ARID1B: variants seen among roughly 807,000 people sequenced by gnomAD.
ARID1B encodes the protein AT-rich interaction domain 1B, also known as AT-rich interactive domain-containing protein 1B.
A neutral mutation model predicts 212.3 loss-of-function variants in ARID1B; 30 were observed. The observed-to-expected ratio is 0.14, with a 90% CI of 0.11 to 0.19. The LOEUF (loss-of-function observed/expected upper bound fraction) is 0.19. Among genes scored for constraint, ARID1B ranks in the 10% least tolerant of loss-of-function variants. The pLI is 1.00. For synonymous variants in ARID1B, 1,402 were observed against 1,301.7 expected (o/e 1.08, Z -1.66); for missense variants, 2,891 against 3,204.0 (o/e 0.90, Z 2.36).
intron 4 of ARID1B, among the ~76,000 whole-genome samples, chr6:157,080,331 A>G (rs1191189713): frequency 6.6e-6 from 1 of 152,250 alleles, no homozygotes; most frequent in Non-Finnish European, 1.5e-5. Flanking sequence ...TAAAGCCACC[A>G]GTATTGACTG....
rs73584008 is a variant in ARID1B at position 157,075,981 on chromosome 6, T to C, written c.2248-8681T>C. On this transcript the variant is annotated intron_variant, in intron 4 of 19. Coordinates refer to ENST00000636930, the MANE Select transcript of ARID1B (RefSeq NM_001374828.1). ...CATAAGTGGCAAAGCTGGAAAAATA[T>C]GAATGAAGTCTCTGGTTAACAGTGT... Among the ~76,000 whole-genome samples the C allele has an allele frequency of 8.3e-3, 1,265 of 152,340 alleles. 26 individuals carry two copies. Among genetic ancestry groups the C allele is most frequent in the African/African-American group, 0.028 (1,155 of 41,580 alleles).
intron 5 of ARID1B, among the ~76,000 whole-genome samples, chr6:157,101,596 C>T (rs1022570213): frequency 1.3e-5 from 2 of 151,698 alleles, no homozygotes; most frequent in South Asian, 2.1e-4. Context: ...AATTACTAAT[C>T]GAAGAATATA....
chr6:157,135,689 C>T (rs1788857271), intron 7 of ARID1B, among the ~76,000 whole-genome samples: 1 of 152,218 alleles, frequency 6.6e-6, no homozygotes. Context: ...CACTCAGCAA[C>T]AGGAGATCAC....
intron 6 of ARID1B, among the ~76,000 whole-genome samples, chr6:157,129,685 C>T (rs1156853251): frequency 6.6e-6 from 1 of 152,160 alleles, no homozygotes; most frequent in Non-Finnish European, 1.5e-5. Context: ...ACTCCATCTC[C>T]TTTTTGCAAA....
At chr6:156,899,154 A>C (rs530521483) in intron 2 of ARID1B, among the ~76,000 whole-genome samples, 1 of 152,366 alleles carries the variant, frequency 6.6e-6, no homozygotes, top group East Asian at 1.9e-4. Flanking sequence ...CAGGGCATCT[A>C]TATGACTTAG....
chr6:156,815,648 G>T (rs924266351), intron 1 of ARID1B, among the ~76,000 whole-genome samples: 1 of 152,052 alleles, frequency 6.6e-6, no homozygotes, highest in African/African-American at 2.4e-5. Flanking sequence ...CACATGAGAG[G>T]CCCAGTGATT....
intron 5 of ARID1B, among the ~76,000 whole-genome samples, chr6:157,096,761 G>T (rs1785663988): frequency 6.6e-6 from 1 of 152,210 alleles, no homozygotes; most frequent in Admixed American, 6.5e-5. Context: ...TGCTGGAGAG[G>T]TCTGCTCTCC....
intron 3 of ARID1B, among the ~76,000 whole-genome samples, chr6:156,909,419 C>T (rs1007039792): frequency 1.6e-4 from 25 of 152,238 alleles, no homozygotes; most frequent in Admixed American, 5.9e-4. Flanking sequence ...TCACCGCATC[C>T]GGACAAGGGC....
At chr6:156,781,531 ATACCT>A (rs1395418519) in intron 1 of ARID1B, among the ~76,000 whole-genome samples, 1 of 152,168 alleles carries the variant, frequency 6.6e-6, no homozygotes, top group East Asian at 1.9e-4. Flanking sequence ...AACAATAATC[ATACCT>A]TAGAGACTTG....
At chr6:156,844,780 G>A (rs1226705185) in intron 2 of ARID1B, among the ~76,000 whole-genome samples, 1 of 152,178 alleles carries the variant, frequency 6.6e-6, no homozygotes, top group East Asian at 1.9e-4. Context: ...TTATGTTAAT[G>A]TAACTATAAA....
In ARID1B at chr6:157,087,085, G is replaced by A. The variant is rs74495391; in HGVS notation, c.2491+2180G>A. 8.8e-4 allele frequency among the ~76,000 whole-genome samples: 134 copies of A among 152,246 alleles called. 1 individual carries two copies. Among genetic ancestry groups the A allele is most frequent in the African/African-American group, 3.2e-3 (133 of 41,548 alleles). On this transcript the variant is annotated intron_variant, in intron 5 of 19. Coordinates refer to ENST00000636930, the MANE Select transcript of ARID1B (RefSeq NM_001374828.1). ...ATTCCAAGTCAGCTCCTCTGTAGCC[G>A]ACCTCTATATGGTGCTTGGTAAAGC...
At chr6:157,074,938 C>T (rs1421723437) in intron 4 of ARID1B, among the ~76,000 whole-genome samples, 1 of 152,118 alleles carries the variant, frequency 6.6e-6, no homozygotes, top group East Asian at 1.9e-4. Context: ...CATTCAAGTC[C>T]TTATTGATAC....
chr6:157,109,357 G>A (rs764324536), intron 5 of ARID1B, among the ~76,000 whole-genome samples: 2 of 152,216 alleles, frequency 1.3e-5, no homozygotes, highest in African/African-American at 2.4e-5. Flanking sequence ...CGGAGTCAGA[G>A]CGGTTAGCCT....
chr6:157,146,870 CA>C (rs1789766886), intron 7 of ARID1B, among the ~76,000 whole-genome samples: 1 of 152,182 alleles, frequency 6.6e-6, no homozygotes, highest in Non-Finnish European at 1.5e-5. Flanking sequence ...TATGTAATTT[CA>C]ACATTCAGTT....
In ARID1B at chr6:157,039,666, C is replaced by CTTCCTTCCTTCCTTCTTTCTTTCT. The variant is rs780130222; in HGVS notation, c.2248-44981_2248-44980insTTTCTTTCTTTCCTTCCTTCCTTC. Among the ~76,000 whole-genome samples, 15 of 49,412 alleles carry CTTCCTTCCTTCCTTCTTTCTTTCT rather than the reference C, an allele frequency of 3.0e-4. No homozygotes were observed. The East Asian group carries it at 4.8e-3, about 16-fold the overall frequency. 32.4% of individuals were successfully genotyped at this position (49,412 alleles called of 152,430 possible). ...CCTTCTTTCCTTCCTTCCTTCCTTC[C>CTTCCTTCCTTCCTTCTTTCTTTCT]TTCCTTCCTTCCTTCCTTCCTTCCT... On this transcript the variant is annotated intron_variant, in intron 4 of 19. Coordinates refer to ENST00000636930, the MANE Select transcript of ARID1B (RefSeq NM_001374828.1).
At chr6:156,912,203 C>G (rs1256442009) in intron 3 of ARID1B, among the ~76,000 whole-genome samples, 1 of 151,364 alleles carries the variant, frequency 6.6e-6, no homozygotes, top group East Asian at 1.9e-4. Context: ...ATCAAAATAT[C>G]TAAAATGCTG....
chr6:157,185,453 T>C (rs1792907526), intron 13 of ARID1B: 1 of 152,282 alleles, frequency 6.6e-6, no homozygotes, highest in African/African-American at 2.4e-5. Context: ...GCACTTCCAG[T>C]GTGCTGGGCC....
At chr6:156,994,684 A>G (rs1778482916) in intron 4 of ARID1B, among the ~76,000 whole-genome samples, 1 of 152,148 alleles carries the variant, frequency 6.6e-6, no homozygotes, top group Non-Finnish European at 1.5e-5. Flanking sequence ...TCTGCCTCCA[A>G]TTCTCAACGG....
At chr6:157,051,954 T>A (rs1223418124) in intron 4 of ARID1B, among the ~76,000 whole-genome samples, 1 of 152,248 alleles carries the variant, frequency 6.6e-6, no homozygotes, top group East Asian at 1.9e-4. Flanking sequence ...AGATGTATTT[T>A]GCTTTATTTT....
Sources: gnomAD v4.1 joint callset for allele counts (sites outside exome capture counted in the v4.1 genomes callset) on GRCh38, gnomAD v4.1.1 for gene constraint, MANE v1.5 for transcripts, NCBI Gene and HGNC (gene_info 2026-07-23, HGNC 2026-07-21) for gene names.